TTC39C: variants seen among roughly 807,000 people sequenced by gnomAD.
TTC39C encodes tetratricopeptide repeat protein 39C.
A neutral mutation model predicts 76.3 loss-of-function variants in TTC39C; 33 were observed. The ratio of observed to expected loss-of-function variants is 0.43; its 90% CI spans 0.33 to 0.58. TTC39C has a LOEUF of 0.58. TTC39C is among the 20% of genes least tolerant of loss of function. The pLI is 0.04. For synonymous variants in TTC39C, 254 were observed against 260.6 expected (o/e 0.97, Z 0.24); for missense variants, 595 against 701.4 (o/e 0.85, Z 1.71).
intron 1 of TTC39C, among the ~76,000 whole-genome samples, chr18:24,036,741 C>T (rs1407288102): frequency 6.6e-6 from 1 of 152,108 alleles, no homozygotes; most frequent in Non-Finnish European, 1.5e-5. Context: ...AGGTGATTGT[C>T]CCACCTCAGC....
intron 11 of TTC39C, among the ~76,000 whole-genome samples, chr18:24,129,776 A>G (rs2085099670): frequency 7.4e-6 from 1 of 134,482 alleles, no homozygotes; most frequent in African/African-American, 3.4e-5. Flanking sequence ...TCCATCTCAA[A>G]AAAAAAAAAA....
At position 24,045,815 on chromosome 18, in the gene TTC39C, A is replaced by G. The variant is rs1330421451; in HGVS notation, c.168-18325A>G. 3.3e-5 allele frequency among the ~76,000 whole-genome samples: 5 copies of G among 150,042 alleles called. No individual in the cohort carries two copies. The East Asian group carries it at 7.8e-4, about 23-fold the overall frequency. ...ATTCATTGATAAAGTAGAAGGAAAG[A>G]AAAATACATATATAGAAAAATCACC... is the stretch of plus-strand genomic sequence containing the variant. On this transcript the variant is annotated intron_variant, in intron 1 of 13. Coordinates refer to ENST00000317571, the MANE Select transcript of TTC39C (RefSeq NM_001135993.2).
chr18:24,003,570 G>A (rs932083457), intron 1 of TTC39C, among the ~76,000 whole-genome samples: 2 of 152,080 alleles, frequency 1.3e-5, no homozygotes, highest in Non-Finnish European at 2.9e-5. Flanking sequence ...AGTCATATTG[G>A]ATGACGTCTG....
chr18:24,015,969 A>G (rs1002315031), intron 1 of TTC39C, among the ~76,000 whole-genome samples: 1 of 152,148 alleles, frequency 6.6e-6, no homozygotes, highest in Non-Finnish European at 1.5e-5. Context: ...TTTCCCCAAC[A>G]CGTTTAAGGA....
intron 6 of TTC39C, among the ~76,000 whole-genome samples, chr18:24,094,032 A>C (rs547847204): frequency 6.6e-6 from 1 of 152,362 alleles, no homozygotes; most frequent in South Asian, 2.1e-4. Context: ...TTTTACCTAC[A>C]GTAGGACTTC....
chr18:24,026,503 T>C (rs770852338), intron 1 of TTC39C, among the ~76,000 whole-genome samples: 57 of 152,198 alleles, frequency 3.7e-4, no homozygotes, highest in Non-Finnish European at 7.3e-5. Context: ...GAAAGCCACA[T>C]AATGTAGTAT....
chr18:24,126,734 AACT>A (rs1225190595), intron 10 of TTC39C, among the ~76,000 whole-genome samples: 4 of 152,032 alleles, frequency 2.6e-5, no homozygotes, highest in Non-Finnish European at 5.9e-5. Context: ...TGCAGCCTCA[AACT>A]CCTGGGCTCA....
intron 6 of TTC39C, among the ~76,000 whole-genome samples, chr18:24,105,401 G>A (rs2084734224): frequency 1.3e-5 from 2 of 152,142 alleles, no homozygotes; most frequent in Admixed American, 6.5e-5. Flanking sequence ...GCTGATCATC[G>A]GGTATTTATA....
chr18:24,036,066 C>G (rs761741724), intron 1 of TTC39C, among the ~76,000 whole-genome samples: 1 of 151,330 alleles, frequency 6.6e-6, no homozygotes, highest in Non-Finnish European at 1.5e-5. Flanking sequence ...TTTCTAGGCT[C>G]TCTATTCTTT....
At chr18:24,015,630 T>G (rs1452460763) in intron 1 of TTC39C, among the ~76,000 whole-genome samples, 1 of 152,248 alleles carries the variant, frequency 6.6e-6, no homozygotes, top group Non-Finnish European at 1.5e-5. Context: ...TGCCTTGTCT[T>G]CTGCAAACTC....
At chr18:24,051,845 T>C (rs2083954356) in intron 1 of TTC39C, among the ~76,000 whole-genome samples, 2 of 152,158 alleles carry the variant, frequency 1.3e-5, no homozygotes, top group Admixed American at 6.5e-5. Flanking sequence ...AAATGGGAAG[T>C]ATGAATTTTG....
chr18:24,104,688 T>TTGTG (rs10661950), intron 6 of TTC39C, among the ~76,000 whole-genome samples: 57,548 of 144,610 alleles, frequency 0.4, 11,851 homozygotes, highest in Non-Finnish European at 0.48. Flanking sequence ...AGCAGGGTGT[T>TTGTG]TGTGTGTGTG....
At chr18:24,123,470 G>A (rs185304665) in intron 8 of TTC39C, 16 of 174,862 alleles carry the variant, frequency 9.2e-5, no homozygotes, top group African/African-American at 2.6e-4. Context: ...GCAGTGGTGC[G>A]ATCTCGGCTC....
intron 1 of TTC39C, among the ~76,000 whole-genome samples, chr18:24,002,803 T>G (rs1258951411): frequency 1.3e-5 from 2 of 152,186 alleles, no homozygotes; most frequent in Non-Finnish European, 2.9e-5. Flanking sequence ...CCTCAGGCTG[T>G]ACCTTTTCCA....
intron 6 of TTC39C, among the ~76,000 whole-genome samples, chr18:24,107,359 A>G (rs1265078915): frequency 6.6e-6 from 1 of 152,044 alleles, no homozygotes; most frequent in Non-Finnish European, 1.5e-5. Flanking sequence ...TTCTAAATAC[A>G]GCTCATGAAT....
intron 1 of TTC39C, chr18:24,020,119 G>T: frequency 7.9e-7 from 1 of 1,273,678 alleles, no homozygotes; most frequent in East Asian, 3.2e-5. Flanking sequence ...AAAAGGAGAA[G>T]AAATGAAAAG....
chr18:24,095,037 T>G (rs2084571226), intron 6 of TTC39C, among the ~76,000 whole-genome samples: 1 of 152,256 alleles, frequency 6.6e-6, no homozygotes, highest in Non-Finnish European at 1.5e-5. Context: ...GAAAGTCTGT[T>G]GTTTAGTATA....
At chr18:23,998,785 C>T (rs2083289419) in intron 1 of TTC39C, among the ~76,000 whole-genome samples, 1 of 152,230 alleles carries the variant, frequency 6.6e-6, no homozygotes, top group South Asian at 2.1e-4. Context: ...TGTAGTACTG[C>T]AGTCTGAACT....
chr18:24,113,335 G>A (rs776602914), intron 6 of TTC39C: 5 of 506,662 alleles, frequency 9.9e-6, no homozygotes, highest in East Asian at 3.3e-5. Flanking sequence ...TTGTTTCCCC[G>A]AGGCCTCCTG....
Sources: gnomAD v4.1 joint callset for allele counts (sites outside exome capture counted in the v4.1 genomes callset) on GRCh38, gnomAD v4.1.1 for gene constraint, MANE v1.5 for transcripts, NCBI Gene and HGNC (gene_info 2026-07-23, HGNC 2026-07-21) for gene names.